The following FAR2 variants were observed in gnomAD, a reference collection of about 807,000 sequenced individuals.
The protein encoded by FAR2 is epididymis secretory protein Li 81.
Under a neutral mutation model 56.0 loss-of-function variants are expected in FAR2, and 19 were observed. The ratio of observed to expected loss-of-function variants is 0.34; its 90% confidence interval spans 0.24 to 0.50. FAR2 has a LOEUF of 0.50. Ranked by LOEUF, FAR2 falls within the 20% of genes least tolerant of loss-of-function variation. The probability of loss-of-function intolerance (pLI) is 0.98; values close to 1 mark genes in which losing one functional copy is unlikely to be tolerated. For synonymous variants in FAR2, 219 were observed against 218.8 expected (o/e 1.00, Z -0.01); for missense variants, 508 against 642.2 (o/e 0.79, Z 2.26).
intron 1 of FAR2, among the ~76,000 whole-genome samples, chr12:29,205,951 AGGAATTATGTCTTAATGGTAGCTAT>A (rs1469229998): frequency 1.3e-5 from 2 of 152,180 alleles, no homozygotes; most frequent in African/African-American, 4.8e-5. Context: ...ACTAGAGGCT[AGGAATTATGTCTTAATGGTAGCTAT>A]CTCCCAGGAG....
At chr12:29,246,046 A>T (rs1948123036) in intron 1 of FAR2, among the ~76,000 whole-genome samples, 1 of 151,470 alleles carries the variant, frequency 6.6e-6, no homozygotes, top group African/African-American at 2.4e-5. Context: ...ATATAATTAT[A>T]TAAGTATAGC....
At chr12:29,160,817 T>G (rs1198386615) in intron 1 of FAR2, among the ~76,000 whole-genome samples, 1 of 152,014 alleles carries the variant, frequency 6.6e-6, no homozygotes, top group African/African-American at 2.4e-5. Flanking sequence ...CATATGGGAT[T>G]AGGGACCCCC....
At chr12:29,295,474 T>C (rs1479308966) in intron 3 of FAR2, among the ~76,000 whole-genome samples, 1 of 152,186 alleles carries the variant, frequency 6.6e-6, no homozygotes, top group Non-Finnish European at 1.5e-5. Context: ...TCTTGGGAGT[T>C]TGATTAGAAT....
intron 10 of FAR2, among the ~76,000 whole-genome samples, chr12:29,330,280 C>T (rs372777119): frequency 1.3e-5 from 2 of 152,252 alleles, no homozygotes; most frequent in East Asian, 3.9e-4. Flanking sequence ...GGGTCTTGAA[C>T]TCCTGACCTC....
At chr12:29,234,226 T>G (rs1947900541) in intron 1 of FAR2, among the ~76,000 whole-genome samples, 1 of 152,202 alleles carries the variant, frequency 6.6e-6, no homozygotes, top group South Asian at 2.1e-4. Flanking sequence ...AATATCTAGT[T>G]GCTTTATTAG....
At chr12:29,298,355 CA>C (rs1329696502) in intron 4 of FAR2, among the ~76,000 whole-genome samples, 1 of 150,770 alleles carries the variant, frequency 6.6e-6, no homozygotes, top group Non-Finnish European at 1.5e-5. Context: ...GACTATTTCA[CA>C]ATGAATTTGT....
chr12:29,254,235 A>C (rs2136681991), intron 1 of FAR2, among the ~76,000 whole-genome samples: 1 of 152,350 alleles, frequency 6.6e-6, no homozygotes, highest in Middle Eastern at 3.4e-3. Flanking sequence ...CCCACAGTGA[A>C]AAGTACCTAA....
At position 29,322,921 on chromosome 12, in the gene FAR2, C is replaced by T. The variant is rs1170329768; in HGVS notation, c.1257+997C>T. On this transcript the variant is annotated intron_variant, in intron 10 of 11. Transcript: ENST00000536681. ...GCCTTGCCCTGCTTCGGCTCACGCA[C>T]GGTGCACTTCACCCACTGTCCTGCA... Among the ~76,000 whole-genome samples the T allele has an allele frequency of 5.9e-5, 9 of 152,310 alleles. No individual in the cohort carries two copies. In the South Asian group the frequency reaches 8.3e-4, roughly 14 times the overall value.
At chr12:29,199,414 A>G (rs1390067552) in intron 1 of FAR2, among the ~76,000 whole-genome samples, 5 of 150,826 alleles carry the variant, frequency 3.3e-5, no homozygotes, top group Non-Finnish European at 7.4e-5. Flanking sequence ...CCTGGCCAAC[A>G]TGGTGAAGCC....
intron 2 of FAR2, among the ~76,000 whole-genome samples, chr12:29,287,620 CA>C (rs35049999): frequency 1.3e-5 from 2 of 151,632 alleles, no homozygotes; most frequent in Non-Finnish European, 2.9e-5. Flanking sequence ...ATTTATTTTC[CA>C]AAAAAAATTA....
At chr12:29,213,073 C>T (rs1947570964) in intron 1 of FAR2, among the ~76,000 whole-genome samples, 1 of 152,006 alleles carries the variant, frequency 6.6e-6, no homozygotes, top group Admixed American at 6.6e-5. Flanking sequence ...TTCAAACTTC[C>T]TTCCCATATA....
chr12:29,163,277 A>G (rs534044741), intron 1 of FAR2, among the ~76,000 whole-genome samples: 2 of 152,368 alleles, frequency 1.3e-5, no homozygotes, highest in East Asian at 1.9e-4. Context: ...AGTAACCACC[A>G]TAGAGTTGAT....
At chr12:29,246,452 C>G (rs957580201) in intron 1 of FAR2, among the ~76,000 whole-genome samples, 1 of 152,092 alleles carries the variant, frequency 6.6e-6, no homozygotes, top group Non-Finnish European at 1.5e-5. Context: ...TCTGTCTTTC[C>G]CTTAGCTCCA....
At chr12:29,270,066 A>G (rs767960385) in intron 1 of FAR2, among the ~76,000 whole-genome samples, 4 of 152,300 alleles carry the variant, frequency 2.6e-5, no homozygotes, top group Middle Eastern at 6.8e-3. Flanking sequence ...AGATGCTTCT[A>G]TGTACCCCTC....
chr12:29,233,352 C>G (rs1455504584), intron 1 of FAR2, among the ~76,000 whole-genome samples: 1 of 152,116 alleles, frequency 6.6e-6, no homozygotes, highest in Admixed American at 6.5e-5. Flanking sequence ...TCTGTCTGCC[C>G]TGGTCATCTT....
intron 3 of FAR2, among the ~76,000 whole-genome samples, chr12:29,296,025 C>T (rs999555710): frequency 3.3e-5 from 5 of 151,998 alleles, no homozygotes; most frequent in East Asian, 1.9e-4. Flanking sequence ...GCCTCGGCCT[C>T]CCAAAGTGCT....
At chr12:29,184,554 C>T (rs1464177455) in intron 1 of FAR2, among the ~76,000 whole-genome samples, 1 of 150,620 alleles carries the variant, frequency 6.6e-6, no homozygotes, top group Non-Finnish European at 1.5e-5. Flanking sequence ...CCTGCCTCAA[C>T]CTCCCGAGTA....
At chr12:29,240,729 T>C (rs1853517780) in intron 1 of FAR2, among the ~76,000 whole-genome samples, 1 of 152,132 alleles carries the variant, frequency 6.6e-6, no homozygotes, top group Admixed American at 6.6e-5. Context: ...AGGCACAAGG[T>C]ATACATCTTA....
chr12:29,251,416 A>G (rs1322411755), intron 1 of FAR2, among the ~76,000 whole-genome samples: 1 of 152,172 alleles, frequency 6.6e-6, no homozygotes, highest in African/African-American at 2.4e-5. Context: ...CTTTTGAGGG[A>G]TAACTGGAGA....
Sources: allele counts gnomAD v4.1 joint callset (sites outside exome capture counted in the v4.1 genomes callset), GRCh38; gene constraint gnomAD v4.1.1; transcripts MANE v1.5; gene names NCBI Gene and HGNC (gene_info 2026-07-23, HGNC 2026-07-21).